SKP1: variants seen among roughly 807,000 people sequenced by gnomAD.
SKP1 encodes the protein S-phase kinase associated protein 1.
A neutral mutation model predicts 21.5 loss-of-function variants in SKP1; 1 was observed. The observed-to-expected ratio is 0.05, with a 90% CI of 0.02 to 0.22. The LOEUF is 0.22. SKP1 is among the 10% of genes least tolerant of loss of function. The pLI is 1.00. For synonymous variants in SKP1, 59 were observed against 59.3 expected (o/e 0.99, Z 0.03); for missense variants, 70 against 192.0 (o/e 0.36, Z 3.76).
At chr5:134,158,774 T>A in intron 4 of SKP1, 179 bp from the exon 5 acceptor site, 1 of 630,042 alleles carries the variant, frequency 1.6e-6, no homozygotes, top group South Asian at 2.0e-5. Context: ...CCTTCTTTGT[T>A]ATACCTCTAT....
At chr5:134,167,077 A>G (rs1761346202) in intron 3 of SKP1, 93 bp downstream of exon 3, 2 of 650,806 alleles carry the variant, frequency 3.1e-6, no homozygotes, top group East Asian at 5.6e-5. Context: ...GCAGTAAATT[A>G]TAAAATTCTA....
rs1025224956 is a variant in SKP1, at chr5:134,151,464, T to G, written c.*6269A>C. The G allele has an allele frequency of 3.3e-6, 1 of 299,418 alleles. No individual in the cohort carries two copies. The highest frequency in any genetic ancestry group is 6.8e-6 in the Non-Finnish European group (1 of 146,894). 18.5% of individuals were successfully genotyped at this position (299,418 alleles called of 1,614,324 possible). On this transcript the variant is annotated 3_prime_UTR_variant, in exon 6 of 6. Coordinates refer to ENST00000353411, the MANE Select transcript of SKP1 (RefSeq NM_170679.3). ...AGCAACTGAAGAAGGCAGTTAGAGG[T>G]TGTGAAATGGTACATTCAGGAAAGA...
intron 2 of SKP1, among the ~76,000 whole-genome samples, chr5:134,172,487 T>TA (rs1319668096): frequency 6.6e-6 from 1 of 152,138 alleles, no homozygotes; most frequent in Non-Finnish European, 1.5e-5. Flanking sequence ...CAAGACCTGT[T>TA]TTCTAAGTCA....
intron 3 of SKP1, among the ~76,000 whole-genome samples, chr5:134,162,673 C>T (rs1761241942): frequency 6.6e-6 from 1 of 152,184 alleles, no homozygotes; most frequent in Non-Finnish European, 1.5e-5. Flanking sequence ...AGGCGTGAGC[C>T]ACTGCACCCA....
rs1285219894 is a variant in SKP1 at position 134,174,014 on chromosome 5, T to C, written c.9A>G (p.Ser3=). The C allele has an allele frequency of 2.5e-6, 4 of 1,590,234 alleles. No homozygotes were observed. The highest frequency in any genetic ancestry group is 3.5e-6 in the Non-Finnish European group (4 of 1,159,264). The part of the protein sequence containing the change: MP[S]IKLQSSDGEI... ...CTCCATCAGAACTCTGCAACTTAAT[T>C]GAAGGCATCTAAAAAAAAAGGACAT... The change falls in exon 2 of 6, where the codon TCA becomes TCG. Residue 3 remains serine, a synonymous_variant. Transcript: ENST00000353411.
chr5:134,175,168 A>T (rs1761515511), intron 1 of SKP1: 1 of 152,256 alleles, frequency 6.6e-6, no homozygotes, highest in African/African-American at 2.4e-5. Context: ...CATCGGTTAA[A>T]ATATTCATTC....
At chr5:134,173,690 G>A in intron 2 of SKP1, 1 of 599,702 alleles carries the variant, frequency 1.7e-6, no homozygotes, top group South Asian at 1.5e-5. Flanking sequence ...TCACTTCAAT[G>A]TTTATTTTAC....
Position 134,157,477 on chromosome 5 carries a change from A to C in SKP1, c.*256T>G, listed in dbSNP as rs888118067. 2.7e-6 allele frequency: 1 copy of C among 374,124 alleles called. No individual in the cohort carries two copies. Among genetic ancestry groups the C allele is most frequent in the Non-Finnish European group, 4.8e-6 (1 of 206,438 alleles). 23.2% of individuals were successfully genotyped at this position (374,124 alleles called of 1,614,324 possible). On this transcript the variant is annotated 3_prime_UTR_variant, in exon 6 of 6. Transcript: ENST00000353411. ...AAAAAGAGGGAAAGCCCAAAATGCC[A>C]CTTATAGAGAACCCACAGTTCAGTT... is the stretch of plus-strand genomic sequence containing the variant.
At chr5:134,158,414 T>A in intron 5 of SKP1, 41 bp downstream of exon 5, 1 of 1,613,864 alleles carries the variant, frequency 6.2e-7, no homozygotes, top group Non-Finnish European at 8.5e-7. Context: ...TACTCCCTTT[T>A]TAAGAGCATG....
chr5:134,157,787 G>A lies in SKP1; in HGVS notation c.457-19C>T. 6.2e-7 allele frequency: 1 copy of A among 1,613,232 alleles called. No homozygotes were observed. Among genetic ancestry groups the A allele is most frequent in the Non-Finnish European group, 8.5e-7 (1 of 1,179,200 alleles). ...TGCGTACCTAAAAGAGATGGATATA[G>A]GGAAGTACCTTAACTTGAGTAGTCT... On this transcript the variant is annotated intron_variant, in intron 5 of 5. Transcript: ENST00000353411.
At chr5:134,160,575 A>AC (rs1761201768) in intron 4 of SKP1, among the ~76,000 whole-genome samples, 1 of 152,124 alleles carries the variant, frequency 6.6e-6, no homozygotes, top group South Asian at 2.1e-4. Context: ...TATAATTGTT[A>AC]TGTCTTTTTA....
At position 134,149,040 on chromosome 5, in the gene SKP1, A is replaced by C. The variant is rs943420173; in HGVS notation, c.*8693T>G. ...GCTGTGTTACATGAATATATTGTGTAGCGGTGAGGTCCGGGCTATTTTTAG... is the reference window on the plus strand; with the variant it reads ...GCTGTGTTACATGAATATATTGTGTCGCGGTGAGGTCCGGGCTATTTTTAG... On this transcript the variant is annotated 3_prime_UTR_variant, in exon 6 of 6. Transcript: ENST00000353411. 1 of 152,362 alleles carries C rather than the reference A, an allele frequency of 6.6e-6. No individual in the cohort carries two copies. Among genetic ancestry groups the C allele is most frequent in the African/African-American group, 2.4e-5 (1 of 41,580 alleles). The allele number at this position is 152,362 out of a possible 1,614,324, so 9.4% of individuals were successfully genotyped here.
At chr5:134,163,150 G>A in intron 3 of SKP1, among the ~76,000 whole-genome samples, 1 of 137,514 alleles carries the variant, frequency 7.3e-6, no homozygotes, top group Non-Finnish European at 1.5e-5. Context: ...AGGAGGCTGA[G>A]GCTGTAGTGA....
intron 2 of SKP1, among the ~76,000 whole-genome samples, chr5:134,171,943 C>A (rs562438912): frequency 6.6e-6 from 1 of 152,236 alleles, no homozygotes; most frequent in East Asian, 1.9e-4. Flanking sequence ...ACTTGGGAGG[C>A]GGAGGCAGGA....
intron 3 of SKP1, among the ~76,000 whole-genome samples, chr5:134,163,990 G>A (rs1354856056): frequency 2.0e-5 from 3 of 151,994 alleles, no homozygotes; most frequent in Admixed American, 6.6e-5. Context: ...CCAAATCCCA[G>A]AATTCTTTTC....
intron 4 of SKP1, 148 bp downstream of exon 4, chr5:134,160,839 T>C (rs1761207406): frequency 1.7e-6 from 1 of 597,328 alleles, no homozygotes; most frequent in African/African-American, 1.9e-5. Flanking sequence ...TTACATTTAG[T>C]GTGTTACTGA....
At position 134,151,449 on chromosome 5, in the gene SKP1, G is replaced by C. The variant is rs1761041628; in HGVS notation, c.*6284C>G. On this transcript the variant is annotated 3_prime_UTR_variant, in exon 6 of 6. Transcript: ENST00000353411. ...CAGAAAAATCTGCAAAGCAACTGAA[G>C]AAGGCAGTTAGAGGTTGTGAAATGG... The C allele has an allele frequency of 7.6e-6, 2 of 264,798 alleles. 1 individual carries two copies. The highest frequency in any genetic ancestry group is 1.6e-5 in the Non-Finnish European group (2 of 128,266). The allele number at this position is 264,798 out of a possible 1,614,324, so 16.4% of individuals were successfully genotyped here.
At chr5:134,165,556 C>T (rs1189417014) in intron 3 of SKP1, among the ~76,000 whole-genome samples, 2 of 144,476 alleles carry the variant, frequency 1.4e-5, no homozygotes, top group Admixed American at 7.2e-5. Context: ...TGCCACTGCA[C>T]TCCAGCCTGG....
At position 134,172,571 on chromosome 5, in the gene SKP1, T is replaced by TAAA. The variant is rs11458283; in HGVS notation, c.97+1352_97+1354dup. 7.2e-4 allele frequency among the ~76,000 whole-genome samples: 103 copies of TAAA among 142,516 alleles called. 1 individual carries two copies. In the Middle Eastern group the frequency reaches 0.018, roughly 25 times the overall value. 93.5% of individuals were successfully genotyped at this position (142,516 alleles called of 152,430 possible). Reference sequence around the variant, plus strand: ...AAACAGACAAAAGAGAAAGCTTGTTTAAAAAAAAAAAAAAAAATTCTGCCT... The same window carrying TAAA: ...AAACAGACAAAAGAGAAAGCTTGTTTAAAAAAAAAAAAAAAAAAAATTCTGCCT... On this transcript the variant is annotated intron_variant, in intron 2 of 5. Coordinates refer to ENST00000353411, the MANE Select transcript of SKP1 (RefSeq NM_170679.3).
Sources: allele counts gnomAD v4.1 joint callset (sites outside exome capture counted in the v4.1 genomes callset), GRCh38; gene constraint gnomAD v4.1.1; transcripts MANE v1.5; gene names NCBI Gene and HGNC (gene_info 2026-07-23, HGNC 2026-07-21).